The following ARSK variants were observed in gnomAD, a reference collection of about 807,000 sequenced individuals.
ARSK encodes the protein arylsulfatase K.
A neutral mutation model predicts 53.2 loss-of-function variants in ARSK; 37 were observed. The ratio of observed to expected loss-of-function variants is 0.70; its 90% CI spans 0.54 to 0.92. ARSK has a LOEUF of 0.92. Ranked by LOEUF, ARSK falls within the 40% of genes least tolerant of loss-of-function variation. The pLI is 0.00. For missense variants in ARSK, 613 were observed against 643.0 expected, an observed-to-expected ratio of 0.95 and a Z score of 0.51; for synonymous variants, 208 against 223.2, an observed-to-expected ratio of 0.93 and a Z score of 0.61.
intron 1 of ARSK, among the ~76,000 whole-genome samples, chr5:95,560,241 A>T (rs1340135650): frequency 6.6e-6 from 1 of 152,206 alleles, no homozygotes; most frequent in African/African-American, 2.4e-5. Flanking sequence ...AATATTGTTA[A>T]TATAGCAGTA....
At chr5:95,572,571 G>A (rs1366494755) in intron 3 of ARSK, among the ~76,000 whole-genome samples, 3 of 152,218 alleles carry the variant, frequency 2.0e-5, no homozygotes, top group Non-Finnish European at 2.9e-5. Flanking sequence ...GAGGTCAGGA[G>A]ATTGATACCA....
intron 1 of ARSK, among the ~76,000 whole-genome samples, chr5:95,565,130 A>G (rs1051643908): frequency 2.6e-5 from 4 of 152,176 alleles, no homozygotes; most frequent in Non-Finnish European, 5.9e-5. Context: ...CCAGGACTGG[A>G]ACATTCTTTT....
chr5:95,564,971 C>T (rs1472152692), intron 1 of ARSK, among the ~76,000 whole-genome samples: 3 of 152,144 alleles, frequency 2.0e-5, no homozygotes, highest in Admixed American at 2.0e-4. Flanking sequence ...ACTCCAGATT[C>T]CTATCTGTAT....
chr5:95,589,209 C>A (rs1016538549), intron 5 of ARSK, among the ~76,000 whole-genome samples: 1 of 152,188 alleles, frequency 6.6e-6, no homozygotes, highest in African/African-American at 2.4e-5. Flanking sequence ...CATAGTAATA[C>A]TAATTATTCG....
chr5:95,582,834 G>A lies in ARSK; in HGVS notation c.417-82G>A, dbSNP rs1050118091. ...ACTGAGTCTAAAAATTGTTTTCCATGTTGTTTTCTTAGTGTATGCTTAGTA... is the reference window on the plus strand; with the variant it reads ...ACTGAGTCTAAAAATTGTTTTCCATATTGTTTTCTTAGTGTATGCTTAGTA... On this transcript the variant is annotated intron_variant, in intron 3 of 7. Transcript: ENST00000380009. The A allele has an allele frequency of 2.0e-5, 26 of 1,327,384 alleles. No individual in the cohort carries two copies. The Admixed American group carries it at 3.2e-4, about 16-fold the overall frequency. 82.2% of individuals were successfully genotyped at this position (1,327,384 alleles called of 1,614,324 possible).
chr5:95,582,853 C>A, intron 3 of ARSK, 63 bp from the exon 4 acceptor site: 1 of 1,447,080 alleles, frequency 6.9e-7, no homozygotes, highest in Non-Finnish European at 9.2e-7. Context: ...TTAGTGTATG[C>A]TTAGTATGTT....
chr5:95,565,854 C>T, intron 1 of ARSK, 144 bp from the exon 2 acceptor site: 1 of 725,346 alleles, frequency 1.4e-6, no homozygotes, highest in South Asian at 2.1e-5. Context: ...ACTGGAAACA[C>T]CCTCTATACT....
rs1749472547 is a variant in ARSK at position 95,604,801 on chromosome 5, C to T, written c.*1275C>T. On this transcript the variant is annotated 3_prime_UTR_variant, in exon 8 of 8. Coordinates refer to ENST00000380009, the MANE Select transcript of ARSK (RefSeq NM_198150.3). ...TGGAATCTGCTTTACCATGGCCTTT[C>T]CTATTTCTATTCTTTGCCTATTTTT... 6.6e-6 allele frequency: 1 copy of T among 152,102 alleles called. No individual in the cohort carries two copies. Among genetic ancestry groups the T allele is most frequent in the African/African-American group, 2.4e-5 (1 of 41,418 alleles). The allele number at this position is 152,102 out of a possible 1,614,324, so 9.4% of individuals were successfully genotyped here.
chr5:95,602,381 G>A (rs187054096), intron 7 of ARSK, among the ~76,000 whole-genome samples: 51 of 152,256 alleles, frequency 3.3e-4, no homozygotes, highest in Admixed American at 3.3e-3. Context: ...TGTCAGAAGT[G>A]GGGAATCAGC....
At chr5:95,576,783 C>T (rs1748931382) in intron 3 of ARSK, among the ~76,000 whole-genome samples, 1 of 152,046 alleles carries the variant, frequency 6.6e-6, no homozygotes, top group Non-Finnish European at 1.5e-5. Context: ...CTAATCCCAA[C>T]TTTGACCTGC....
intron 4 of ARSK, 64 bp from the exon 5 acceptor site, chr5:95,586,498 C>G: frequency 7.9e-7 from 1 of 1,258,656 alleles, no homozygotes; most frequent in Non-Finnish European, 1.1e-6. Context: ...ATCATACATA[C>G]TTATTGGAGG....
At chr5:95,583,242 G>A (rs1457044233) in intron 4 of ARSK, 44 bp downstream of exon 4, 2 of 1,410,040 alleles carry the variant, frequency 1.4e-6, no homozygotes, top group Non-Finnish European at 1.9e-6. Context: ...ATTTATATAT[G>A]TGGCTTATTG....
chr5:95,555,392 G>A lies in ARSK; in HGVS notation c.114G>A (p.Val38=). The A allele has an allele frequency of 3.7e-6, 6 of 1,606,946 alleles. No homozygotes were observed. The highest frequency in any genetic ancestry group is 5.1e-6 in the Non-Finnish European group (6 of 1,176,492). The change falls in exon 1 of 8, where the codon GTG becomes GTA. Residue 38 remains valine (V), a synonymous_variant. Transcript: ENST00000380009. The surrounding 1 kb of genome is among the most constrained non-coding windows in gnomAD (Gnocchi z 4.0). The part of the protein sequence containing the change: ...AAKAPNVVLV[V]SDSFDGRLTF... ...AAGCGCCCAATGTGGTGCTGGTCGT[G>A]AGCGACTCCTTCGTAAGTACCGCGA... is the stretch of plus-strand genomic sequence containing the variant.
chr5:95,590,410 G>A (rs1299990414), intron 5 of ARSK, among the ~76,000 whole-genome samples: 1 of 152,020 alleles, frequency 6.6e-6, no homozygotes, highest in Admixed American at 6.6e-5. Context: ...TAAAGAATTC[G>A]ACAGTGGGCA....
At chr5:95,577,459 A>C (rs1748943814) in intron 3 of ARSK, among the ~76,000 whole-genome samples, 2 of 152,208 alleles carry the variant, frequency 1.3e-5, no homozygotes, top group African/African-American at 4.8e-5. Context: ...ATGAGGTGGA[A>C]ATACCAATTT....
chr5:95,597,899 A>AG (rs202034115), intron 6 of ARSK, among the ~76,000 whole-genome samples: 3,754 of 142,244 alleles, frequency 0.026, 139 homozygotes, highest in African/African-American at 0.066. Context: ...GCCTCAAAAA[A>AG]AAAAAGTGGG....
chr5:95,584,237 T>G (rs1749070247), intron 4 of ARSK, among the ~76,000 whole-genome samples: 1 of 152,246 alleles, frequency 6.6e-6, no homozygotes, highest in South Asian at 2.1e-4. Flanking sequence ...ACCAGATAAC[T>G]AATCACTGAC....
In ARSK at chr5:95,567,893, T is replaced by C. The variant is rs772245470; in HGVS notation, c.260T>C (p.Met87Thr). Reference sequence around the variant, plus strand: ...TTCCTTTTTTTTTTTTTCTCAGCAATGTGGAGTGGCCTCTTCACTCACTTA... The same window carrying C: ...TTCCTTTTTTTTTTTTTCTCAGCAACGTGGAGTGGCCTCTTCACTCACTTA... Reference protein sequence around the residue: ...SPICCPSRAAMWSGLFTHLTE... With the variant: ...SPICCPSRAATWSGLFTHLTE... The change falls in exon 3 of 8, where the codon ATG becomes ACG. Residue 87 changes from methionine (M) to threonine (T), a missense_variant. Coordinates refer to ENST00000380009, the MANE Select transcript of ARSK (RefSeq NM_198150.3). The C allele has an allele frequency of 6.3e-7, 1 of 1,590,348 alleles. No homozygotes were observed. Among genetic ancestry groups the C allele is most frequent in the Non-Finnish European group, 8.5e-7 (1 of 1,170,366 alleles).
At chr5:95,570,237 T>C (rs1458972302) in intron 3 of ARSK, among the ~76,000 whole-genome samples, 1 of 152,232 alleles carries the variant, frequency 6.6e-6, no homozygotes, top group African/African-American at 2.4e-5. Context: ...AGCCCCTGTC[T>C]ACCTCCAGTC....
Sources: allele counts gnomAD v4.1 joint callset (sites outside exome capture counted in the v4.1 genomes callset), GRCh38; gene constraint gnomAD v4.1.1; non-coding constraint Gnocchi (gnomAD v3.1); transcripts MANE v1.5; gene names NCBI Gene and HGNC (gene_info 2026-07-23, HGNC 2026-07-21).